NRXN3: variants seen among roughly 807,000 people sequenced by gnomAD.
NRXN3 encodes the protein neurexin III.
A neutral mutation model predicts 137.6 loss-of-function variants in NRXN3; 32 were observed. The observed-to-expected ratio is 0.23, with a 90% CI of 0.18 to 0.31. The LOEUF (loss-of-function observed/expected upper bound fraction) is 0.31. NRXN3 is among the 10% of genes least tolerant of loss of function. The probability of loss-of-function intolerance (pLI) is 1.00; values close to 1 mark genes in which losing one functional copy is unlikely to be tolerated. For missense variants in NRXN3, 1,574 were observed against 2,062.5 expected (o/e 0.76, Z 4.59); for synonymous variants, 798 against 784.5 (o/e 1.02, Z -0.29).
At chr14:78,897,339 G>T (rs151191343) in intron 10 of NRXN3, among the ~76,000 whole-genome samples, 1 of 151,976 alleles carries the variant, frequency 6.6e-6, no homozygotes, top group African/African-American at 2.4e-5. Context: ...GTAACAGTAG[G>T]AGATATTGCT....
chr14:79,558,421 G>A (rs1012130702), intron 16 of NRXN3, among the ~76,000 whole-genome samples: 6 of 152,126 alleles, frequency 3.9e-5, no homozygotes, highest in African/African-American at 1.4e-4. Flanking sequence ...CTTGATCCAT[G>A]AACTGCAGAA....
intron 6 of NRXN3, among the ~76,000 whole-genome samples, chr14:78,671,604 G>A (rs902909623): frequency 2.0e-5 from 3 of 151,938 alleles, no homozygotes; most frequent in African/African-American, 7.3e-5. Context: ...GTGAAAAAAA[G>A]AAATATTTCA....
chr14:79,193,160 A>T (rs1390686776), intron 15 of NRXN3, among the ~76,000 whole-genome samples: 1 of 152,190 alleles, frequency 6.6e-6, no homozygotes, highest in Non-Finnish European at 1.5e-5. Flanking sequence ...AATTGAAAAA[A>T]ATTGAACTTC....
intron 19 of NRXN3, among the ~76,000 whole-genome samples, chr14:79,729,487 G>A (rs2098913730): frequency 6.6e-6 from 1 of 152,158 alleles, no homozygotes; most frequent in African/African-American, 2.4e-5. Context: ...CATATACCTT[G>A]CTTAAAACCA....
intron 4 of NRXN3, among the ~76,000 whole-genome samples, chr14:78,416,287 A>G (rs1355349860): frequency 6.6e-6 from 1 of 152,180 alleles, no homozygotes; most frequent in Non-Finnish European, 1.5e-5. Context: ...TATTCCCTGT[A>G]GAGTGGGTTA....
chr14:79,366,021 A>G (rs913129824), intron 15 of NRXN3, among the ~76,000 whole-genome samples: 12 of 152,260 alleles, frequency 7.9e-5, no homozygotes, highest in African/African-American at 2.9e-4. Context: ...AAGATGAACC[A>G]TGCAAGCACC....
intron 15 of NRXN3, among the ~76,000 whole-genome samples, chr14:79,253,417 C>T (rs530058699): frequency 2.6e-5 from 4 of 152,226 alleles, no homozygotes; most frequent in South Asian, 2.1e-4. Context: ...CTGACATATG[C>T]GAGAAGGTCC....
At chr14:79,706,419 CTTTTTTTTTTTTT>C (rs919138966) in intron 19 of NRXN3, among the ~76,000 whole-genome samples, 2 of 116,008 alleles carry the variant, frequency 1.7e-5, no homozygotes, top group Non-Finnish European at 3.6e-5. Context: ...GGCTTTTTTA[CTTTTTTTTTTTTT>C]TTTTTTTGGT....
chr14:78,879,654 A>G (rs956456516), intron 10 of NRXN3, among the ~76,000 whole-genome samples: 1 of 152,196 alleles, frequency 6.6e-6, no homozygotes, highest in African/African-American at 2.4e-5. Context: ...GCATTTTAAG[A>G]CAAGGAATGA....
At chr14:78,331,815 T>G (rs2080851146) in intron 4 of NRXN3, among the ~76,000 whole-genome samples, 1 of 152,180 alleles carries the variant, frequency 6.6e-6, no homozygotes, top group African/African-American at 2.4e-5. Flanking sequence ...GAGTGCTTGA[T>G]TACTCAATAT....
intron 4 of NRXN3, among the ~76,000 whole-genome samples, chr14:78,416,547 T>G (rs1394667412): frequency 6.6e-6 from 1 of 152,236 alleles, no homozygotes; most frequent in Non-Finnish European, 1.5e-5. Context: ...TCCTATGTAT[T>G]GTAATCAAAT....
chr14:79,163,958 A>G (rs2061047975), intron 15 of NRXN3, among the ~76,000 whole-genome samples: 1 of 151,878 alleles, frequency 6.6e-6, no homozygotes, highest in East Asian at 1.9e-4. Flanking sequence ...CTGTTAATTC[A>G]TGCTGAACTT....
intron 19 of NRXN3, among the ~76,000 whole-genome samples, chr14:79,752,674 T>C (rs1391407797): frequency 2.6e-5 from 4 of 152,056 alleles, no homozygotes. Context: ...ACTTCATGTC[T>C]AAAACACCAA....
intron 10 of NRXN3, among the ~76,000 whole-genome samples, chr14:78,914,656 G>A (rs560023543): frequency 2.0e-5 from 3 of 152,252 alleles, no homozygotes; most frequent in East Asian, 1.9e-4. Flanking sequence ...CAAAGAGGTC[G>A]TGTGGCTAAA....
chr14:78,803,371 A>G (rs982277688), intron 8 of NRXN3, among the ~76,000 whole-genome samples: 2 of 152,182 alleles, frequency 1.3e-5, no homozygotes, highest in Admixed American at 6.5e-5. Context: ...TCACAAGTCT[A>G]TGAGCCTGGT....
intron 16 of NRXN3, among the ~76,000 whole-genome samples, chr14:79,631,728 G>C (rs567536997): frequency 2.0e-5 from 3 of 151,688 alleles, no homozygotes; most frequent in Non-Finnish European, 4.4e-5. Flanking sequence ...AGCACTCTGT[G>C]TCTAGCTAAA....
rs553063699 is a variant in NRXN3 at position 79,630,624 on chromosome 14, G to A, written c.3445-33154G>A. 1.1e-4 allele frequency among the ~76,000 whole-genome samples: 16 copies of A among 152,306 alleles called. No individual in the cohort carries two copies. The East Asian group carries it at 2.5e-3, about 24-fold the overall frequency. ...AACTGGTAAGCACTTTAGCCAGGTA[G>A]GGCTAAGGCAATTTTCACAGTTCTG... On this transcript the variant is annotated intron_variant, in intron 16 of 20. Transcript: ENST00000335750.
chr14:79,192,861 C>A (rs1597103397), intron 15 of NRXN3, among the ~76,000 whole-genome samples: 1 of 148,822 alleles, frequency 6.7e-6, no homozygotes, highest in East Asian at 2.0e-4. Context: ...AACTCCACCT[C>A]CCGGGTTCAA....
chr14:79,743,008 T>A (rs1468538762), intron 19 of NRXN3, among the ~76,000 whole-genome samples: 1 of 152,196 alleles, frequency 6.6e-6, no homozygotes, highest in Non-Finnish European at 1.5e-5. Context: ...GATTCTGGGT[T>A]GCCTCAAAAC....
Sources: gnomAD v4.1 joint callset for allele counts (sites outside exome capture counted in the v4.1 genomes callset) on GRCh38, gnomAD v4.1.1 for gene constraint, MANE v1.5 for transcripts, NCBI Gene and HGNC (gene_info 2026-07-23, HGNC 2026-07-21) for gene names.